SGCD: variants seen among roughly 807,000 people sequenced by gnomAD.
SGCD encodes the protein sarcoglycan delta, also known as delta-sarcoglycan.
A neutral mutation model predicts 36.6 loss-of-function variants in SGCD; 18 were observed. The ratio of observed to expected loss-of-function variants is 0.49; its 90% CI spans 0.34 to 0.73. The LOEUF (loss-of-function observed/expected upper bound fraction) is 0.73, where lower values mean the gene tolerates loss of function less well. Ranked by LOEUF, SGCD falls within the 30% of genes least tolerant of loss-of-function variation. SGCD has a pLI of 0.01. For missense variants in SGCD, 387 were observed against 346.7 expected, an observed-to-expected ratio of 1.12 and a Z score of -0.92; for synonymous variants, 133 against 130.6, an observed-to-expected ratio of 1.02 and a Z score of -0.12.
chr5:155,788,060 G>A, the SGCD span, among the ~76,000 whole-genome samples: 3 of 152,004 alleles, frequency 2.0e-5, no homozygotes, highest in African/African-American at 2.4e-5. Context: ...AAAGATATCC[G>A]CTTTTAACGT....
chr5:156,228,838 G>C (rs182893417), intron 3 of SGCD, among the ~76,000 whole-genome samples: 24 of 152,202 alleles, frequency 1.6e-4, no homozygotes, highest in African/African-American at 5.8e-4. Context: ...CATCCTTATA[G>C]TGGTGGTGTG....
At chr5:156,218,318 A>G (rs2127644346) in intron 3 of SGCD, among the ~76,000 whole-genome samples, 2 of 152,300 alleles carry the variant, frequency 1.3e-5, no homozygotes, top group South Asian at 4.1e-4. Flanking sequence ...CATGAAAGAT[A>G]TTACATATAT....
chr5:156,342,527 C>A (rs1221132983), intron 2 of SGCD, among the ~76,000 whole-genome samples: 1 of 152,160 alleles, frequency 6.6e-6, no homozygotes, highest in Non-Finnish European at 1.5e-5. Context: ...AAAATAAAAA[C>A]CTAATTTATT....
chr5:156,463,110 T>A (rs964253474), intron 3 of SGCD, among the ~76,000 whole-genome samples: 7 of 152,130 alleles, frequency 4.6e-5, no homozygotes, highest in African/African-American at 1.7e-4. Flanking sequence ...TCAGAGACAG[T>A]GTGTATTAAC....
At chr5:156,482,287 A>T (rs897477650) in intron 3 of SGCD, among the ~76,000 whole-genome samples, 1 of 152,144 alleles carries the variant, frequency 6.6e-6, no homozygotes, top group Non-Finnish European at 1.5e-5. Flanking sequence ...AACTGCTAAC[A>T]TATAGAAGAT....
chr5:156,639,713 C>G (rs1253103861), intron 6 of SGCD, among the ~76,000 whole-genome samples: 2 of 151,958 alleles, frequency 1.3e-5, no homozygotes, highest in South Asian at 4.2e-4. Context: ...TTTTCTATTC[C>G]TCTCCTTAAT....
chr5:155,754,743 C>T, the SGCD span, among the ~76,000 whole-genome samples: 4 of 152,122 alleles, frequency 2.6e-5, no homozygotes, highest in Admixed American at 2.6e-4. Context: ...GTTTTTCTAG[C>T]CTTAATTTAT....
chr5:156,007,696 G>A (rs1427662672), intron 1 of SGCD, among the ~76,000 whole-genome samples: 1 of 152,162 alleles, frequency 6.6e-6, no homozygotes, highest in African/African-American at 2.4e-5. Context: ...CCAGTAGGTG[G>A]GGGATGGCAG....
Position 156,752,321 on chromosome 5 carries a change from G to A in SGCD, c.576-5260G>A, listed in dbSNP as rs146889601. Among the ~76,000 whole-genome samples the A allele has an allele frequency of 3.7e-3, 563 of 152,296 alleles. 2 individuals carry two copies. Among genetic ancestry groups the A allele is most frequent in the African/African-American group, 0.013 (534 of 41,560 alleles). On this transcript the variant is annotated intron_variant, in intron 7 of 8. Coordinates refer to ENST00000337851, the MANE Select transcript of SGCD (RefSeq NM_000337.6). ...GGAAGGAAATAGAAGGGATCAGGAA[G>A]AGGAGCTCAGGTTGCTACAAAATTT...
intron 1 of SGCD, among the ~76,000 whole-genome samples, chr5:155,923,764 C>T (rs1315908656): frequency 3.3e-5 from 5 of 152,190 alleles, no homozygotes; most frequent in African/African-American, 9.6e-5. Context: ...TTTTAATGAA[C>T]ATTTTGTGTT....
At chr5:156,550,136 TATAGCTCCCA>T (rs1758734465) in intron 4 of SGCD, among the ~76,000 whole-genome samples, 1 of 152,172 alleles carries the variant, frequency 6.6e-6, no homozygotes, top group Non-Finnish European at 1.5e-5. Context: ...GAAACTCTTT[TATAGCTCCCA>T]ATCACACTGC....
intron 6 of SGCD, among the ~76,000 whole-genome samples, chr5:156,644,542 C>CT (rs796976294): frequency 1.1e-3 from 159 of 143,892 alleles, no homozygotes; most frequent in African/African-American, 2.8e-3. Context: ...AAGTCTGTTC[C>CT]TTTTTTTTTT....
intron 7 of SGCD, among the ~76,000 whole-genome samples, chr5:156,707,127 C>T (rs1754776665): frequency 6.6e-6 from 1 of 152,136 alleles, no homozygotes; most frequent in African/African-American, 2.4e-5. Context: ...AAACAAAACT[C>T]ACAAACTTTG....
At chr5:156,638,786 T>A (rs559109235) in intron 6 of SGCD, among the ~76,000 whole-genome samples, 2 of 152,322 alleles carry the variant, frequency 1.3e-5, no homozygotes, top group East Asian at 3.9e-4. Flanking sequence ...GTTTGCTTAA[T>A]TAAACTACTT....
chr5:156,446,357 A>G (rs1753755596), intron 3 of SGCD, among the ~76,000 whole-genome samples: 1 of 152,132 alleles, frequency 6.6e-6, no homozygotes, highest in Admixed American at 6.6e-5. Flanking sequence ...GTAGGAGGTA[A>G]GAGAAGCTCA....
At chr5:155,811,652 G>A in the SGCD span, among the ~76,000 whole-genome samples, 1 of 152,286 alleles carries the variant, frequency 6.6e-6, no homozygotes, top group South Asian at 2.1e-4. Context: ...ATGCAACGGG[G>A]CTCTCTCTTT....
intron 3 of SGCD, among the ~76,000 whole-genome samples, chr5:156,348,176 AAG>A (rs1769044509): frequency 6.6e-6 from 1 of 152,154 alleles, no homozygotes; most frequent in African/African-American, 2.4e-5. Flanking sequence ...ACGTTGGAGA[AAG>A]AGAAAAAAAT....
intron 3 of SGCD, among the ~76,000 whole-genome samples, chr5:156,226,848 A>T (rs115861746): frequency 0.013 from 1,973 of 152,164 alleles, 58 homozygotes; most frequent in African/African-American, 0.044. Context: ...ATCATTAGTG[A>T]CATTGAGCAT....
intron 6 of SGCD, among the ~76,000 whole-genome samples, chr5:156,603,347 A>C (rs1217822978): frequency 6.6e-6 from 1 of 152,006 alleles, no homozygotes; most frequent in Non-Finnish European, 1.5e-5. Flanking sequence ...CTAGCTAAAT[A>C]TTTGTCAATT....
Sources: allele counts gnomAD v4.1 joint callset (sites outside exome capture counted in the v4.1 genomes callset), GRCh38; gene constraint gnomAD v4.1.1; transcripts MANE v1.5; gene names NCBI Gene and HGNC (gene_info 2026-07-23, HGNC 2026-07-21).